PLA2G7: variants seen among roughly 807,000 people sequenced by gnomAD.
The protein encoded by PLA2G7 is platelet-activating factor acetylhydrolase.
In PLA2G7, 63 loss-of-function variants were observed where a neutral mutation model predicts 49.6. The ratio of observed to expected loss-of-function variants is 1.27; its 90% CI spans 1.04 to 1.57. PLA2G7 has a LOEUF of 1.57. PLA2G7 is among the 40% of genes most tolerant of loss of function. The pLI is 0.00. For synonymous variants in PLA2G7, 193 were observed against 169.9 expected, an observed-to-expected ratio of 1.14 and a Z score of -1.06; for missense variants, 596 against 521.2, an observed-to-expected ratio of 1.14 and a Z score of -1.40.
In PLA2G7 at chr6:46,706,518, G is replaced by A. The variant is rs370530508; in HGVS notation, c.1041-1217C>T. Among the ~76,000 whole-genome samples, 201 of 152,336 alleles carry A rather than the reference G, an allele frequency of 1.3e-3. 8 individuals carry two copies. The South Asian group carries it at 0.04, about 30-fold the overall frequency. ...AGCAGGAAGAGGGGTGGTCAGCAAT[G>A]TTGAACAGATGCAGAGAGCAAGGTT... On this transcript the variant is annotated intron_variant, in intron 10 of 11. Transcript: ENST00000274793.
intron 2 of PLA2G7, among the ~76,000 whole-genome samples, chr6:46,721,305 C>T (rs528386761): frequency 6.6e-6 from 1 of 152,138 alleles, no homozygotes; most frequent in East Asian, 1.9e-4. Flanking sequence ...ACCTCGGCCT[C>T]CCAAAGTGCT....
chr6:46,714,647 T>C, intron 4 of PLA2G7, 94 bp from the exon 5 acceptor site: 1 of 795,408 alleles, frequency 1.3e-6, no homozygotes, highest in South Asian at 1.4e-5. Flanking sequence ...CAGACCCATC[T>C]GATTTATATC....
rs757627289 is a variant in PLA2G7, at chr6:46,717,091, C to A, written c.115G>T (p.Val39Phe). 1.9e-6 allele frequency: 3 copies of A among 1,613,384 alleles called. No individual in the cohort carries two copies. The highest frequency in any genetic ancestry group is 1.1e-5 in the South Asian group (1 of 91,074). The change falls in exon 3 of 12, where the codon GTC becomes TTC. Residue 39 changes from valine (V) to phenylalanine (F), a missense_variant. Val to Phe is a conservative substitution (Grantham distance 50). Coordinates refer to ENST00000274793, the MANE Select transcript of PLA2G7 (RefSeq NM_005084.4). ...PVAHMKSSAW[V>F]NKIQVLMAAA... The stretch of plus-strand genomic sequence containing the variant: ...GCCATCAGTACTTGTATTTTGTTGA[C>A]CCATGCTGAAAAACAGGTAAATATT...
At chr6:46,714,725 C>T (rs966623494) in intron 4 of PLA2G7, among the ~76,000 whole-genome samples, 172 bp from the exon 5 acceptor site, 6 of 146,136 alleles carry the variant, frequency 4.1e-5, no homozygotes, top group African/African-American at 1.5e-4. Context: ...AACCAAAGAG[C>T]TGAACTGTAA....
chr6:46,705,662 T>G (rs895569826), intron 10 of PLA2G7, among the ~76,000 whole-genome samples: 2 of 152,256 alleles, frequency 1.3e-5, no homozygotes, highest in Admixed American at 6.5e-5. Flanking sequence ...GCCTGCTACC[T>G]GCCCTCACCA....
intron 2 of PLA2G7, among the ~76,000 whole-genome samples, chr6:46,722,097 AT>A (rs942569768): frequency 6.6e-5 from 10 of 152,172 alleles, no homozygotes; most frequent in Non-Finnish European, 1.5e-4. Flanking sequence ...TCTTAGTGAC[AT>A]TAAATGTAGC....
intron 4 of PLA2G7, among the ~76,000 whole-genome samples, chr6:46,715,851 G>A (rs1765181511): frequency 6.6e-6 from 1 of 152,218 alleles, no homozygotes; most frequent in African/African-American, 2.4e-5. Flanking sequence ...GGAAGGAAAA[G>A]TCTATATTAG....
intron 7 of PLA2G7, 43 bp downstream of exon 7, chr6:46,711,453 T>C: frequency 6.2e-7 from 1 of 1,609,036 alleles, no homozygotes; most frequent in Non-Finnish European, 8.5e-7. Flanking sequence ...CTTTTGTACA[T>C]GCTTTTAGGT....
chr6:46,704,595 A>G lies in PLA2G7; in HGVS notation c.1291T>C (p.Leu431=). ...TTCTCTATTCCTGAAGAGTTCTGTA[A>G]CATGATGTGTTGATTGGTTGTGTTA... ...NINTTNQHIM[L]QNSSGIEKYN is the part of the protein sequence containing the mutation. Residue 431 remains leucine, a synonymous_variant, in exon 12 of 12, where the codon TTA becomes CTA. Transcript: ENST00000274793. 1 of 1,595,564 alleles carries G rather than the reference A, an allele frequency of 6.3e-7. No homozygotes were observed. Among genetic ancestry groups the G allele is most frequent in the Non-Finnish European group, 8.6e-7 (1 of 1,163,240 alleles).
intron 2 of PLA2G7, among the ~76,000 whole-genome samples, chr6:46,717,755 AGG>A (rs1161470354): frequency 4.4e-5 from 6 of 136,142 alleles, no homozygotes; most frequent in African/African-American, 1.7e-4. Context: ...CCGTGTTGCC[AGG>A]CTGGAGTGCA....
chr6:46,722,773 C>A lies in PLA2G7; in HGVS notation c.109+10G>T, dbSNP rs1403467378. 3 of 1,525,994 alleles carry A rather than the reference C, an allele frequency of 2.0e-6. No individual in the cohort carries two copies. Among genetic ancestry groups the A allele is most frequent in the Non-Finnish European group, 2.7e-6 (3 of 1,099,668 alleles). 94.5% of individuals were successfully genotyped at this position (1,525,994 alleles called of 1,614,324 possible). ...AGTTGCTCAAGACCTTGAACAAATA[C>A]ACCTCTTACCTGATGATTTCATATG... On this transcript the variant is annotated intron_variant, in intron 2 of 11. Transcript: ENST00000274793.
intron 2 of PLA2G7, among the ~76,000 whole-genome samples, chr6:46,719,630 T>A (rs1189614377): frequency 1.3e-5 from 2 of 152,124 alleles, no homozygotes; most frequent in Non-Finnish European, 2.9e-5. Context: ...AGATTTCAGG[T>A]GTACCTCTTA....
chr6:46,722,930 G>A lies in PLA2G7; in HGVS notation c.-34-5C>T, dbSNP rs374033084. 32 of 1,144,410 alleles carry A rather than the reference G, an allele frequency of 2.8e-5. No individual in the cohort carries two copies. The African/African-American group carries it at 3.0e-4, about 11-fold the overall frequency. The allele number at this position is 1,144,410 out of a possible 1,614,324, so 70.9% of individuals were successfully genotyped here. A position where few individuals can be genotyped will look rare whatever the true frequency, so the allele number is the denominator to read the frequency against. The stretch of plus-strand genomic sequence containing the variant: ...CAGCAGTTTCAGCTTAGTCTCCTTC[G>A]AAGCAGATGATTAAAAGAAAAAAGA... On this transcript the variant is annotated splice_polypyrimidine_tract_variant and splice_region_variant and intron_variant, in intron 1 of 11. Coordinates refer to ENST00000274793, the MANE Select transcript of PLA2G7 (RefSeq NM_005084.4).
At chr6:46,730,108 CAAAT>C (rs1765690297) in intron 1 of PLA2G7, among the ~76,000 whole-genome samples, 1 of 152,144 alleles carries the variant, frequency 6.6e-6, no homozygotes, top group Non-Finnish European at 1.5e-5. Context: ...AGGATTTTAA[CAAAT>C]AAAGGTTCAG....
At chr6:46,722,141 C>T (rs762262562) in intron 2 of PLA2G7, among the ~76,000 whole-genome samples, 3 of 152,124 alleles carry the variant, frequency 2.0e-5, no homozygotes, top group Admixed American at 1.3e-4. Context: ...TTTGGCCACT[C>T]CTCCTGGGTT....
chr6:46,716,312 T>C, intron 4 of PLA2G7, 72 bp downstream of exon 4: 1 of 1,510,026 alleles, frequency 6.6e-7, no homozygotes, highest in East Asian at 2.3e-5. Flanking sequence ...TCTTAACTAC[T>C]TGAAGTTCTT....
intron 9 of PLA2G7, among the ~76,000 whole-genome samples, chr6:46,708,739 C>T (rs1313994743): frequency 6.6e-6 from 1 of 152,122 alleles, no homozygotes; most frequent in Non-Finnish European, 1.5e-5. Context: ...AGAATTCTTA[C>T]ACTGAAATGG....
intron 1 of PLA2G7, among the ~76,000 whole-genome samples, chr6:46,723,868 T>C (rs1446986029): frequency 2.6e-5 from 4 of 152,172 alleles, no homozygotes; most frequent in Non-Finnish European, 4.4e-5. Flanking sequence ...AAATAGCTTA[T>C]AATGATCTAC....
rs1017498411 is a variant in PLA2G7, at chr6:46,712,298, A to T, written c.510T>A (p.His170Gln). The change falls in exon 6 of 12, where the codon CAT (histidine) becomes CAA (glutamine). Residue 170 changes from histidine (H) to glutamine (Q), a missense_variant. Physicochemically the swap from His to Gln is conservative, Grantham distance 24. Coordinates refer to ENST00000274793, the MANE Select transcript of PLA2G7 (RefSeq NM_005084.4). ...YSAIGIDLASHGFIVAAVEHR... is the reference protein window; with the variant it reads ...YSAIGIDLASQGFIVAAVEHR... ...GTTCTACAGCAGCAACTATAAACCCATGAGATGCCAGGTCAATGCCAATAG... is the reference window on the plus strand; with the variant it reads ...GTTCTACAGCAGCAACTATAAACCCTTGAGATGCCAGGTCAATGCCAATAG... 1 of 1,612,852 alleles carries T rather than the reference A, an allele frequency of 6.2e-7. No individual in the cohort carries two copies. The highest frequency in any genetic ancestry group is 8.5e-7 in the Non-Finnish European group (1 of 1,178,954).
Sources: gnomAD v4.1 joint callset for allele counts (sites outside exome capture counted in the v4.1 genomes callset) on GRCh38, gnomAD v4.1.1 for gene constraint, MANE v1.5 for transcripts, NCBI Gene and HGNC (gene_info 2026-07-23, HGNC 2026-07-21) for gene names.